LINGO2: variants seen among roughly 807,000 people sequenced by gnomAD.
LINGO2 encodes leucine-rich repeat and immunoglobulin-like domain-containing nogo receptor-interacting protein 2.
LINGO2 carries 14 observed loss-of-function variants against 30.6 expected under a neutral mutation model. The observed-to-expected ratio is 0.46, with a 90% CI of 0.30 to 0.72. LINGO2 has a LOEUF of 0.72. LINGO2 is among the 30% of genes least tolerant of loss of function. The pLI is 0.07. For missense variants in LINGO2, 729 were observed against 751.7 expected, an observed-to-expected ratio of 0.97 and a Z score of 0.35; for synonymous variants, 317 against 288.5, an observed-to-expected ratio of 1.10 and a Z score of -1.00.
intron 4 of LINGO2, among the ~76,000 whole-genome samples, chr9:28,079,025 A>G (rs1378523041): frequency 1.3e-5 from 2 of 148,690 alleles, no homozygotes; most frequent in Non-Finnish European, 2.9e-5. Flanking sequence ...GATGTCTAAC[A>G]CGAGGGAGCT....
At chr9:29,108,729 A>G in the LINGO2 span, among the ~76,000 whole-genome samples, 2 of 152,202 alleles carry the variant, frequency 1.3e-5, no homozygotes, top group Admixed American at 6.5e-5. Flanking sequence ...GATAATGCAG[A>G]GTTAATTACA....
At chr9:28,504,341 T>C (rs1820013064) in intron 1 of LINGO2, among the ~76,000 whole-genome samples, 1 of 151,876 alleles carries the variant, frequency 6.6e-6, no homozygotes, top group Non-Finnish European at 1.5e-5. Context: ...TTTAGATATA[T>C]TAAAAATATA....
At chr9:28,894,009 T>C in the LINGO2 span, among the ~76,000 whole-genome samples, 2 of 151,982 alleles carry the variant, frequency 1.3e-5, no homozygotes, top group African/African-American at 4.8e-5. Flanking sequence ...GCATTTGGTT[T>C]TTTGTCCTTG....
At chr9:28,524,527 G>A (rs10968640) in intron 1 of LINGO2, among the ~76,000 whole-genome samples, 3,429 of 130,986 alleles carry the variant, frequency 0.026, 98 homozygotes, top group East Asian at 0.15. Context: ...GGCTGAGGCC[G>A]GGGGATCACA....
intron 1 of LINGO2, among the ~76,000 whole-genome samples, chr9:28,568,854 C>T (rs1823528643): frequency 6.8e-6 from 1 of 147,632 alleles, no homozygotes; most frequent in Non-Finnish European, 1.5e-5. Context: ...GACTGTTCTT[C>T]AACTTAAAAT....
At chr9:28,190,495 T>C (rs1351163358) in intron 4 of LINGO2, among the ~76,000 whole-genome samples, 1 of 152,096 alleles carries the variant, frequency 6.6e-6, no homozygotes, top group Non-Finnish European at 1.5e-5. Context: ...AGAGCCCAAA[T>C]GAATGAGATT....
chr9:28,364,977 C>T (rs983086070), intron 3 of LINGO2, among the ~76,000 whole-genome samples: 2 of 152,124 alleles, frequency 1.3e-5, no homozygotes, highest in African/African-American at 4.8e-5. Context: ...GAATAGGATG[C>T]TTTTATTTGA....
At chr9:28,244,500 A>T (rs989842490) in intron 4 of LINGO2, among the ~76,000 whole-genome samples, 1 of 152,138 alleles carries the variant, frequency 6.6e-6, no homozygotes, top group Non-Finnish European at 1.5e-5. Context: ...CCCTTCAAAA[A>T]ATTAGTGAAT....
At chr9:28,759,622 C>T in the LINGO2 span, among the ~76,000 whole-genome samples, 1 of 151,366 alleles carries the variant, frequency 6.6e-6, no homozygotes, top group Non-Finnish European at 1.5e-5. Flanking sequence ...GCGGAGCTTG[C>T]AGTGAGCCTA....
the LINGO2 span, among the ~76,000 whole-genome samples, chr9:29,102,137 A>G: frequency 6.6e-6 from 1 of 150,792 alleles, no homozygotes; most frequent in Admixed American, 6.6e-5. Flanking sequence ...GTTGGAGAGC[A>G]GTGGCGCAAT....
intron 2 of LINGO2, among the ~76,000 whole-genome samples, chr9:28,393,857 G>A (rs1008495724): frequency 2.6e-5 from 4 of 152,146 alleles, no homozygotes; most frequent in African/African-American, 7.2e-5. Context: ...AATGACTAAT[G>A]GAAGTTAGTA....
At chr9:29,069,510 C>G in the LINGO2 span, among the ~76,000 whole-genome samples, 1 of 151,940 alleles carries the variant, frequency 6.6e-6, no homozygotes, top group Admixed American at 6.6e-5. Flanking sequence ...ACATCCCATT[C>G]TCTCTTTTAA....
chr9:28,488,891 C>T (rs1826276779), intron 1 of LINGO2, among the ~76,000 whole-genome samples: 2 of 152,096 alleles, frequency 1.3e-5, no homozygotes, highest in Admixed American at 6.6e-5. Flanking sequence ...GTGAATAAGG[C>T]TGGATAAATA....
intron 5 of LINGO2, among the ~76,000 whole-genome samples, chr9:27,967,445 T>C (rs1820153852): frequency 6.6e-6 from 1 of 152,084 alleles, no homozygotes. Context: ...CCCAACTAAA[T>C]GCAAAGGAGG....
intron 5 of LINGO2, among the ~76,000 whole-genome samples, chr9:27,991,986 A>C (rs972720676): frequency 1.3e-5 from 2 of 151,868 alleles, no homozygotes; most frequent in African/African-American, 2.4e-5. Context: ...ACTCATTTTC[A>C]CTTCTATCTG....
intron 1 of LINGO2, among the ~76,000 whole-genome samples, chr9:28,603,356 G>A (rs1164489403): frequency 2.6e-5 from 4 of 151,928 alleles, no homozygotes; most frequent in African/African-American, 9.7e-5. Flanking sequence ...GTACACAGTA[G>A]GCACTCAATA....
intron 4 of LINGO2, among the ~76,000 whole-genome samples, chr9:28,201,977 G>A (rs1310486802): frequency 1.3e-5 from 2 of 152,114 alleles, no homozygotes; most frequent in Non-Finnish European, 2.9e-5. Flanking sequence ...TGGGGGCTGT[G>A]TTCCTTCTGG....
At chr9:28,081,200 T>G (rs1401603918) in intron 4 of LINGO2, among the ~76,000 whole-genome samples, 1 of 151,648 alleles carries the variant, frequency 6.6e-6, no homozygotes, top group African/African-American at 2.4e-5. Flanking sequence ...GCACCTTCCC[T>G]GTTGTGGCAA....
At chr9:28,364,935 T>C (rs140587513) in intron 3 of LINGO2, among the ~76,000 whole-genome samples, 163 of 152,330 alleles carry the variant, frequency 1.1e-3, no homozygotes, top group African/African-American at 3.8e-3. Context: ...CTACAAACCT[T>C]ATACTGTGTT....
Sources: gnomAD v4.1 joint callset for allele counts (sites outside exome capture counted in the v4.1 genomes callset) on GRCh38, gnomAD v4.1.1 for gene constraint, MANE v1.5 for transcripts, NCBI Gene and HGNC (gene_info 2026-07-23, HGNC 2026-07-21) for gene names.